Variants in DGKB observed in about 807,000 individuals in gnomAD.
The protein encoded by DGKB is 90 kDa diacylglycerol kinase.
In DGKB, 67 loss-of-function variants were observed where a neutral mutation model predicts 114.3. That is an observed-to-expected ratio of 0.59 (90% confidence interval 0.48 to 0.72). The LOEUF (loss-of-function observed/expected upper bound fraction) is 0.72. Ranked by LOEUF, DGKB falls within the 30% of genes least tolerant of loss-of-function variation. The probability of loss-of-function intolerance (pLI) is 0.00; values close to 1 mark genes in which losing one functional copy is unlikely to be tolerated. For synonymous variants in DGKB, 398 were observed against 323.1 expected (o/e 1.23, Z -2.49); for missense variants, 907 against 975.2 (o/e 0.93, Z 0.93).
chr7:14,910,005 G>C (rs533888943), intron 1 of DGKB, among the ~76,000 whole-genome samples: 6 of 151,908 alleles, frequency 3.9e-5, no homozygotes, highest in Non-Finnish European at 8.8e-5. Flanking sequence ...TCAGGAGTTC[G>C]AGACCAGCCT....
At chr7:14,537,817 A>C (rs1792760946) in intron 20 of DGKB, among the ~76,000 whole-genome samples, 1 of 152,228 alleles carries the variant, frequency 6.6e-6, no homozygotes, top group African/African-American at 2.4e-5. Flanking sequence ...GCGGTGGCTC[A>C]CGCCTGTAAT....
chr7:14,824,689 A>C (rs1408403950), intron 2 of DGKB, among the ~76,000 whole-genome samples: 2 of 152,090 alleles, frequency 1.3e-5, no homozygotes. Context: ...GGTGAGTTAC[A>C]TGAGAAATTA....
chr7:14,259,382 TCTC>T (rs1796406645), intron 23 of DGKB, among the ~76,000 whole-genome samples: 1 of 80,694 alleles, frequency 1.2e-5, no homozygotes, highest in Non-Finnish European at 2.7e-5. Flanking sequence ...GTAAAGTTTC[TCTC>T]TCTCTCTCTC....
intron 5 of DGKB, among the ~76,000 whole-genome samples, chr7:14,720,513 G>C (rs1564009066): frequency 8.2e-6 from 1 of 121,532 alleles, no homozygotes; most frequent in African/African-American, 3.1e-5. Context: ...GTGTGTGTGT[G>C]TGTGTATGTT....
intron 13 of DGKB, among the ~76,000 whole-genome samples, chr7:14,669,049 A>T (rs1257417884): frequency 6.6e-6 from 1 of 152,146 alleles, no homozygotes; most frequent in Non-Finnish European, 1.5e-5. Flanking sequence ...AGTTTCTTTG[A>T]ACAATTTTGT....
At chr7:14,152,590 C>G (rs896970725) in intron 25 of DGKB, among the ~76,000 whole-genome samples, 1 of 152,054 alleles carries the variant, frequency 6.6e-6, no homozygotes, top group Non-Finnish European at 1.5e-5. Context: ...CTGCCCATGA[C>G]TATTTCTACT....
intron 1 of DGKB, among the ~76,000 whole-genome samples, chr7:14,851,372 G>A (rs1849325549): frequency 6.6e-6 from 1 of 152,104 alleles, no homozygotes; most frequent in South Asian, 2.1e-4. Context: ...GTTCCTTCAA[G>A]TGAATTTTCT....
chr7:14,675,895 A>C (rs1819770134), intron 12 of DGKB, among the ~76,000 whole-genome samples: 1 of 152,106 alleles, frequency 6.6e-6, no homozygotes, highest in Non-Finnish European at 1.5e-5. Context: ...AAGAGTGTTA[A>C]AACTGAGGGC....
chr7:14,759,344 C>T (rs910390547), intron 2 of DGKB, among the ~76,000 whole-genome samples: 5 of 152,186 alleles, frequency 3.3e-5, no homozygotes, highest in Admixed American at 1.3e-4. Context: ...ATCATTACCT[C>T]TGATTAATCC....
intron 25 of DGKB, among the ~76,000 whole-genome samples, chr7:14,156,624 C>T (rs538192808): frequency 1.3e-5 from 2 of 152,162 alleles, no homozygotes; most frequent in South Asian, 2.1e-4. Flanking sequence ...GGCAGCTGGT[C>T]AGATTTGGCT....
intron 13 of DGKB, among the ~76,000 whole-genome samples, chr7:14,648,877 C>T (rs1332106405): frequency 7.5e-6 from 1 of 133,182 alleles, no homozygotes; most frequent in Non-Finnish European, 1.6e-5. Flanking sequence ...ATGCGATCAA[C>T]TGGAAGAAAG....
intron 20 of DGKB, among the ~76,000 whole-genome samples, chr7:14,511,647 A>G (rs1787993615): frequency 6.6e-6 from 1 of 152,198 alleles, no homozygotes. Context: ...CACAACTTGA[A>G]TAACTGTTTG....
chr7:14,586,737 T>C (rs768422797), intron 17 of DGKB, among the ~76,000 whole-genome samples: 9 of 151,926 alleles, frequency 5.9e-5, no homozygotes, highest in Non-Finnish European at 5.9e-5. Context: ...CCCTAAGAAT[T>C]ATGCCAAACT....
intron 21 of DGKB, among the ~76,000 whole-genome samples, chr7:14,409,008 T>C (rs1373782168): frequency 1.3e-5 from 2 of 152,150 alleles, no homozygotes; most frequent in African/African-American, 2.4e-5. Context: ...TATTGAAACA[T>C]ACACACACGA....
At chr7:14,302,296 T>A (rs1355032948) in intron 23 of DGKB, among the ~76,000 whole-genome samples, 3 of 152,126 alleles carry the variant, frequency 2.0e-5, no homozygotes, top group African/African-American at 4.8e-5. Context: ...TCTTCTGTGT[T>A]ACTGCCAATC....
At chr7:14,246,149 G>C (rs1794445647) in intron 23 of DGKB, among the ~76,000 whole-genome samples, 3 of 151,992 alleles carry the variant, frequency 2.0e-5, no homozygotes, top group Admixed American at 2.0e-4. Context: ...ATTTAGCCTA[G>C]GTTTCTCTAT....
intron 21 of DGKB, among the ~76,000 whole-genome samples, chr7:14,399,131 G>C (rs1427722337): frequency 6.6e-6 from 1 of 151,482 alleles, no homozygotes; most frequent in Non-Finnish European, 1.5e-5. Flanking sequence ...CTCATTTTCT[G>C]ATTGGCAAAA....
chr7:14,857,212 CT>C (rs1850283107), intron 1 of DGKB, among the ~76,000 whole-genome samples: 2 of 150,298 alleles, frequency 1.3e-5, no homozygotes, highest in East Asian at 4.0e-4. Context: ...CTCTGTCTCT[CT>C]CTCTCTCTCT....
At chr7:14,445,255 G>A (rs1433015468) in intron 21 of DGKB, among the ~76,000 whole-genome samples, 1 of 151,798 alleles carries the variant, frequency 6.6e-6, no homozygotes, top group Admixed American at 6.6e-5. Flanking sequence ...AAATGGAAGA[G>A]TGAAGTTTCT....
Sources: allele counts gnomAD v4.1 joint callset (sites outside exome capture counted in the v4.1 genomes callset), GRCh38; gene constraint gnomAD v4.1.1; transcripts MANE v1.5; gene names NCBI Gene and HGNC (gene_info 2026-07-23, HGNC 2026-07-21).